CTNS: variants seen among roughly 807,000 people sequenced by gnomAD.
The protein encoded by CTNS is cystinosin, lysosomal cystine transporter.
A neutral mutation model predicts 43.7 loss-of-function variants in CTNS; 27 were observed. The observed-to-expected ratio is 0.62, with a 90% CI of 0.46 to 0.85. The LOEUF (loss-of-function observed/expected upper bound fraction) is 0.85. Among genes scored for constraint, CTNS ranks in the 40% least tolerant of loss-of-function variants. The pLI, the probability that CTNS is intolerant of heterozygous loss-of-function variation, is 0.00. For synonymous variants in CTNS, 187 were observed against 190.6 expected, an observed-to-expected ratio of 0.98 and a Z score of 0.16; for missense variants, 457 against 475.4, an observed-to-expected ratio of 0.96 and a Z score of 0.36.
At chr17:3,654,677 T>A in intron 5 of CTNS, among the ~76,000 whole-genome samples, 1 of 117,946 alleles carries the variant, frequency 8.5e-6, no homozygotes, top group Admixed American at 9.4e-5. Context: ...CGAGACTCCG[T>A]CTCAAAAAAA....
chr17:3,660,006 T>G, intron 11 of CTNS, 31 bp downstream of exon 11: 1 of 1,575,168 alleles, frequency 6.3e-7, no homozygotes, highest in East Asian at 2.2e-5. Flanking sequence ...CTGGCCACCC[T>G]GCGGCTGGGG....
chr17:3,658,940 C>A (rs2076218913), intron 10 of CTNS, among the ~76,000 whole-genome samples: 1 of 151,480 alleles, frequency 6.6e-6, no homozygotes, highest in African/African-American at 2.4e-5. Flanking sequence ...CATGTTGAAG[C>A]TGGGAAGCTG....
Position 3,638,236 on chromosome 17 carries a change from T to TG in CTNS, c.-20+921dup, listed in dbSNP as rs2075588198. Among the ~76,000 whole-genome samples the TG allele has an allele frequency of 6.7e-4, 34 of 50,784 alleles. 2 individuals carry two copies. In the South Asian group the frequency reaches 0.016, roughly 24 times the overall value. The allele number at this position is 50,784 out of a possible 152,430, so 33.3% of individuals were successfully genotyped here. On this transcript the variant is annotated intron_variant, in intron 2 of 11. Coordinates refer to ENST00000046640, the MANE Select transcript of CTNS (RefSeq NM_004937.3). ...GTAATTATCAATCTGGTTTTTTTTT[T>TG]GTTTTTTTTTTTTAATTTGAGACGG... is the stretch of plus-strand genomic sequence containing the variant.
intron 9 of CTNS, 96 bp downstream of exon 9, chr17:3,656,891 A>AG: frequency 6.3e-7 from 1 of 1,577,962 alleles, no homozygotes; most frequent in African/African-American, 1.3e-5. Context: ...TGGGAAAGGA[A>AG]GGGTGTGTGT....
intron 5 of CTNS, among the ~76,000 whole-genome samples, chr17:3,649,457 A>C (rs867116366): frequency 6.6e-6 from 1 of 151,706 alleles, no homozygotes; most frequent in Non-Finnish European, 1.5e-5. Context: ...TTCTCAAAAA[A>C]AAAAAAAAAA....
chr17:3,637,623 T>C (rs458322), intron 2 of CTNS, among the ~76,000 whole-genome samples: 64,733 of 151,868 alleles, frequency 0.43, 14,475 homozygotes, highest in Non-Finnish European at 0.49. Context: ...TGAGCCACCA[T>C]GCCCAGCTAA....
chr17:3,655,476 G>A lies in CTNS; in HGVS notation c.461+124G>A, dbSNP rs1016939505. 2.9e-5 allele frequency: 42 copies of A among 1,462,460 alleles called. No individual in the cohort carries two copies. In the South Asian group the frequency reaches 3.7e-4, roughly 13 times the overall value. 90.6% of individuals were successfully genotyped at this position (1,462,460 alleles called of 1,614,324 possible). The stretch of plus-strand genomic sequence containing the variant: ...CCCTTCTGTCTGCCTACCCTTTCCA[G>A]AAAGTTGTCCCAGTGCGAAGGCTCG... On this transcript the variant is annotated intron_variant, in intron 7 of 11. Transcript: ENST00000046640.
intron 10 of CTNS, 35 bp from the exon 11 acceptor site, chr17:3,659,823 C>CCCA: frequency 2.6e-6 from 4 of 1,540,538 alleles, no homozygotes; most frequent in Non-Finnish European, 3.6e-6. Flanking sequence ...CAGCCCTCAC[C>CCCA]GCCCTCCGTC....
intron 2 of CTNS, among the ~76,000 whole-genome samples, 196 bp from the exon 3 acceptor site, chr17:3,639,992 G>A (rs1456831768): frequency 3.9e-5 from 6 of 152,158 alleles, no homozygotes; most frequent in South Asian, 2.1e-4. Context: ...CTCGGAGCCC[G>A]TTTCCCCTGT....
intron 3 of CTNS, among the ~76,000 whole-genome samples, chr17:3,641,355 GATACATATAT>G (rs1197519064): frequency 0.01 from 647 of 63,934 alleles, 25 homozygotes; most frequent in South Asian, 0.016. Flanking sequence ...ACAAAAATCA[GATACATATAT>G]ATATATATAT....
intron 3 of CTNS, among the ~76,000 whole-genome samples, chr17:3,643,086 G>A (rs547057217): frequency 6.6e-6 from 1 of 152,248 alleles, no homozygotes; most frequent in East Asian, 1.9e-4. Context: ...AGGCCAAGGA[G>A]GGTGGATCAC....
Position 3,655,049 on chromosome 17 carries a change from A to C in CTNS, c.277A>C (p.Asn93His). ...CTCCTCTTTTCAAGTGACATCTCAA[A>C]ATGTTGGACAACTTACTGTTTATCT... ...TNSSFQVTSQ[N>H]VGQLTVYLHG... The change falls in exon 6 of 12, where the codon AAT becomes CAT. Residue 93 changes from asparagine to histidine, a missense_variant. Transcript: ENST00000046640. 6.2e-7 allele frequency: 1 copy of C among 1,614,170 alleles called. No homozygotes were observed. The highest frequency in any genetic ancestry group is 8.5e-7 in the Non-Finnish European group (1 of 1,179,998).
At chr17:3,638,529 C>T (rs1350776821) in intron 2 of CTNS, among the ~76,000 whole-genome samples, 2 of 152,200 alleles carry the variant, frequency 1.3e-5, no homozygotes, top group African/African-American at 2.4e-5. Flanking sequence ...CGAGCCACTG[C>T]GCTCAGCCTA....
intron 3 of CTNS, among the ~76,000 whole-genome samples, chr17:3,641,018 C>T (rs1212301924): frequency 2.0e-5 from 3 of 152,082 alleles, no homozygotes; most frequent in East Asian, 1.9e-4. Context: ...CTGTTGTACC[C>T]GGTTCTGCCA....
At chr17:3,659,192 C>G (rs1055969626) in intron 10 of CTNS, among the ~76,000 whole-genome samples, 3 of 151,042 alleles carry the variant, frequency 2.0e-5, no homozygotes, top group Non-Finnish European at 3.0e-5. Flanking sequence ...ACCTGCCTCA[C>G]GGGGGGAAGG....
chr17:3,660,200 A>C, intron 11 of CTNS, 36 bp from the exon 12 acceptor site: 2 of 1,613,612 alleles, frequency 1.2e-6, no homozygotes, highest in Non-Finnish European at 1.7e-6. Flanking sequence ...GGAGCTGCCA[A>C]CCTAACACCA....
Position 3,637,284 on chromosome 17 carries a change from G to T in CTNS, c.-52G>T, listed in dbSNP as rs1025799797. ...GTAACATTGAGGATTACTGTGTTTT[G>T]TGAGAGCTCGCTAGGCGCCCTAAGC... On this transcript the variant is annotated 5_prime_UTR_variant, in exon 2 of 12. Coordinates refer to ENST00000046640, the MANE Select transcript of CTNS (RefSeq NM_004937.3). 6.6e-6 allele frequency: 1 copy of T among 152,146 alleles called. No homozygotes were observed. The highest frequency in any genetic ancestry group is 2.4e-5 in the African/African-American group (1 of 41,432). 9.4% of individuals were successfully genotyped at this position (152,146 alleles called of 1,614,324 possible).
intron 10 of CTNS, among the ~76,000 whole-genome samples, chr17:3,659,130 C>T (rs954567224): frequency 4.6e-5 from 7 of 152,110 alleles, no homozygotes; most frequent in African/African-American, 1.7e-4. Flanking sequence ...TGAGCCGGGA[C>T]ACAGACAGGG....
At chr17:3,640,443 T>C (rs571143928) in intron 3 of CTNS, among the ~76,000 whole-genome samples, 176 bp downstream of exon 3, 76 of 152,378 alleles carry the variant, frequency 5.0e-4, no homozygotes, top group Non-Finnish European at 9.3e-4. Context: ...GGGATCCAGG[T>C]GTTCTGCAAA....
Sources: allele counts gnomAD v4.1 joint callset (sites outside exome capture counted in the v4.1 genomes callset), GRCh38; gene constraint gnomAD v4.1.1; transcripts MANE v1.5; gene names NCBI Gene and HGNC (gene_info 2026-07-23, HGNC 2026-07-21).